Variants in CCDC39 observed in about 807,000 individuals in gnomAD.
CCDC39 encodes coiled-coil domain-containing protein 39.
A neutral mutation model predicts 121.0 loss-of-function variants in CCDC39; 113 were observed. The observed-to-expected ratio is 0.93, with a 90% CI of 0.80 to 1.09. The LOEUF is 1.09. CCDC39 is among the 50% of genes least tolerant of loss of function. The probability of loss-of-function intolerance (pLI) is 0.00; values close to 1 mark genes in which losing one functional copy is unlikely to be tolerated. For synonymous variants in CCDC39, 349 were observed against 352.2 expected (o/e 0.99, Z 0.10); for missense variants, 1,063 against 1,074.7 (o/e 0.99, Z 0.15).
chr3:180,674,609 GT>G (rs960094354), intron 1 of CCDC39, among the ~76,000 whole-genome samples: 3 of 152,184 alleles, frequency 2.0e-5, no homozygotes, highest in African/African-American at 7.2e-5. Flanking sequence ...GATATTAGCT[GT>G]GGGTTTGTCA....
At chr3:180,623,104 TATTATTATTATG>T (rs1187651629) in intron 14 of CCDC39, among the ~76,000 whole-genome samples, 1 of 148,690 alleles carries the variant, frequency 6.7e-6, no homozygotes, top group African/African-American at 2.4e-5. Flanking sequence ...TTATTATTAT[TATTATTATTATG>T]GATTCATTCT....
intron 13 of CCDC39, among the ~76,000 whole-genome samples, chr3:180,635,457 G>A (rs569218449): frequency 1.3e-5 from 2 of 152,272 alleles, no homozygotes; most frequent in South Asian, 2.1e-4. Context: ...TTCCGCCTAT[G>A]AGCCTGTAAA....
At chr3:180,664,082 G>A in intron 1 of CCDC39, 96 bp from the exon 2 acceptor site, 1 of 1,142,378 alleles carries the variant, frequency 8.8e-7, no homozygotes, top group Non-Finnish European at 1.2e-6. Context: ...CATTTACATT[G>A]TCTTAGTCAA....
At chr3:180,636,475 T>C (rs997289096) in intron 13 of CCDC39, among the ~76,000 whole-genome samples, 4 of 152,044 alleles carry the variant, frequency 2.6e-5, no homozygotes, top group Non-Finnish European at 5.9e-5. Flanking sequence ...TTCTCATGGA[T>C]AGGAAGAATC....
At chr3:180,653,758 C>T (rs893238689) in intron 7 of CCDC39, among the ~76,000 whole-genome samples, 2 of 152,132 alleles carry the variant, frequency 1.3e-5, no homozygotes, top group African/African-American at 4.8e-5. Context: ...GGGATTGGTT[C>T]CAGGATCCCT....
rs1711545790 is a variant in CCDC39, at chr3:180,654,894, G to C, written c.798C>G (p.Ile266Met). The C allele has an allele frequency of 6.3e-7, 1 of 1,590,724 alleles. No homozygotes were observed. The highest frequency in any genetic ancestry group is 8.5e-7 in the Non-Finnish European group (1 of 1,171,568). ...REKENLVKEKIKFLESEIGNN... is the reference protein window; with the variant it reads ...REKENLVKEKMKFLESEIGNN... Reference sequence around the variant, plus strand: ...TCCCAATCTCACTTTCCAAAAACTTGATCTTTTCTTTAACCAAATTTTCTT... The same window carrying C: ...TCCCAATCTCACTTTCCAAAAACTTCATCTTTTCTTTAACCAAATTTTCTT... Residue 266 changes from isoleucine to methionine, a missense_variant, in exon 7 of 20, where the codon ATC becomes ATG. Coordinates refer to ENST00000476379, the MANE Select transcript of CCDC39 (RefSeq NM_181426.2).
intron 1 of CCDC39, among the ~76,000 whole-genome samples, chr3:180,670,318 T>C (rs903499308): frequency 1.9e-4 from 29 of 151,972 alleles, no homozygotes; most frequent in African/African-American, 6.8e-4. Flanking sequence ...AAGGGGTGTG[T>C]GTGTGTGTGT....
chr3:180,673,039 T>A (rs925347495), intron 1 of CCDC39, among the ~76,000 whole-genome samples: 2 of 152,186 alleles, frequency 1.3e-5, no homozygotes, highest in African/African-American at 4.8e-5. Flanking sequence ...CCTGAAGATG[T>A]GACTGAATTG....
At chr3:180,672,516 C>T (rs1226621986) in intron 1 of CCDC39, among the ~76,000 whole-genome samples, 1 of 152,172 alleles carries the variant, frequency 6.6e-6, no homozygotes, top group Non-Finnish European at 1.5e-5. Context: ...ATCGCTTGAA[C>T]CCAGGAGTTA....
chr3:180,671,282 C>G (rs1197163573), intron 1 of CCDC39, among the ~76,000 whole-genome samples: 5 of 152,000 alleles, frequency 3.3e-5, no homozygotes, highest in South Asian at 2.1e-4. Flanking sequence ...AAGTTACCAC[C>G]CTTGTTTTAG....
intron 2 of CCDC39, among the ~76,000 whole-genome samples, chr3:180,662,515 A>G (rs1238738327): frequency 6.6e-6 from 1 of 152,074 alleles, no homozygotes; most frequent in Non-Finnish European, 1.5e-5. Flanking sequence ...GTGTTAACTA[A>G]TTTTACAGTG....
chr3:180,620,806 A>G (rs572300146), intron 14 of CCDC39, among the ~76,000 whole-genome samples: 1 of 152,158 alleles, frequency 6.6e-6, no homozygotes, highest in East Asian at 1.9e-4. Context: ...GAGTACAAGT[A>G]TATTTTGTTA....
At position 180,642,155 on chromosome 3, in the gene CCDC39, G is replaced by A. The variant is rs1457289004; in HGVS notation, c.1712C>T (p.Thr571Ile). 5 of 1,610,652 alleles carry A rather than the reference G, an allele frequency of 3.1e-6. No homozygotes were observed. The South Asian group carries it at 4.4e-5, about 14-fold the overall frequency. ...DNLLKLEVKR[T>I]REMLHSKAEE... ...TGCCTTACTGTGAAGCATTTCTCGAGTACGCTTAACTTCAAGTTTTAAAAG... is the reference window on the plus strand; with the variant it reads ...TGCCTTACTGTGAAGCATTTCTCGAATACGCTTAACTTCAAGTTTTAAAAG... The change falls in exon 13 of 20, where the codon ACT becomes ATT. Residue 571 changes from threonine (T) to isoleucine (I), a missense_variant. By Grantham distance (89) the Thr-to-Ile change is moderately conservative. Coordinates refer to ENST00000476379, the MANE Select transcript of CCDC39 (RefSeq NM_181426.2).
intron 8 of CCDC39, among the ~76,000 whole-genome samples, 168 bp from the exon 9 acceptor site, chr3:180,651,701 G>A (rs1045467386): frequency 3.9e-5 from 6 of 152,112 alleles, no homozygotes; most frequent in African/African-American, 1.2e-4. Flanking sequence ...TGGCTTCTGA[G>A]TCTTTGTGAT....
At chr3:180,652,969 A>G (rs1711510498) in intron 7 of CCDC39, among the ~76,000 whole-genome samples, 1 of 152,252 alleles carries the variant, frequency 6.6e-6, no homozygotes, top group Non-Finnish European at 1.5e-5. Flanking sequence ...AGATCTGTAC[A>G]CTAAAAACTA....
chr3:180,666,494 A>G (rs1164634031), intron 1 of CCDC39, among the ~76,000 whole-genome samples: 1 of 152,138 alleles, frequency 6.6e-6, no homozygotes, highest in Non-Finnish European at 1.5e-5. Context: ...CTGTAACTGT[A>G]CTTTTGTCAA....
intron 1 of CCDC39, among the ~76,000 whole-genome samples, chr3:180,678,339 G>C (rs1712292002): frequency 6.6e-6 from 1 of 152,130 alleles, no homozygotes; most frequent in Non-Finnish European, 1.5e-5. Context: ...GTTTTCAAAA[G>C]GTAGAGTAAC....
intron 14 of CCDC39, among the ~76,000 whole-genome samples, chr3:180,627,868 C>G (rs1419618913): frequency 6.6e-6 from 1 of 152,084 alleles, no homozygotes; most frequent in African/African-American, 2.4e-5. Context: ...ACCTGTGGTA[C>G]CCCAGAAGGT....
At chr3:180,627,910 A>G (rs1717602489) in intron 14 of CCDC39, among the ~76,000 whole-genome samples, 1 of 152,180 alleles carries the variant, frequency 6.6e-6, no homozygotes, top group Non-Finnish European at 1.5e-5. Context: ...CTTTGCAGAT[A>G]TAGTCAAGTT....
Sources: gnomAD v4.1 joint callset for allele counts (sites outside exome capture counted in the v4.1 genomes callset) on GRCh38, gnomAD v4.1.1 for gene constraint, MANE v1.5 for transcripts, NCBI Gene and HGNC (gene_info 2026-07-23, HGNC 2026-07-21) for gene names.